Variants in ZNF578 observed in about 807,000 individuals in gnomAD.
ZNF578 encodes the protein Putative chemokine-related protein B42.
A neutral mutation model predicts 8.3 loss-of-function variants in ZNF578; 8 were observed. The ratio of observed to expected loss-of-function variants is 0.96; its 90% CI spans 0.56 to 1.74. The LOEUF is 1.74. Among genes scored for constraint, ZNF578 ranks in the 40% most tolerant of loss-of-function variants. The pLI is 0.00. For missense variants in ZNF578, 726 were observed against 707.5 expected (o/e 1.03, Z -0.30); for synonymous variants, 206 against 232.2 (o/e 0.89, Z 1.03).
At chr19:52,486,154 T>G (rs62119306) in intron 2 of ZNF578, among the ~76,000 whole-genome samples, 1,686 of 152,322 alleles carry the variant, frequency 0.011, 9 homozygotes, top group Non-Finnish European at 0.018. Flanking sequence ...ATACTGCTCT[T>G]TAAGGCATTG....
rs1259890894 is a variant in ZNF578, at chr19:52,511,232, A to G, written c.851A>G (p.Glu284Gly). ...LARHRRCHTS[E>G]KPYKCNECGK... ...CGCCATCGTAGATGTCACACTAGTGAGAAACCTTACAAGTGTAATGAATGT... is the reference window on the plus strand; with the variant it reads ...CGCCATCGTAGATGTCACACTAGTGGGAAACCTTACAAGTGTAATGAATGT... Residue 284 changes from glutamate (E) to glycine (G), a missense_variant, in exon 6 of 6, where the codon GAG (glutamate) becomes GGG (glycine). Physicochemically the swap from Glu to Gly is moderately conservative, Grantham distance 98 (BLOSUM62 -2). Transcript: ENST00000421239. 6.2e-7 allele frequency: 1 copy of G among 1,613,780 alleles called. No individual in the cohort carries two copies. Among genetic ancestry groups the G allele is most frequent in the South Asian group, 1.1e-5 (1 of 90,854 alleles).
In ZNF578 at chr19:52,515,882, A is replaced by G. The variant is rs1370247728; in HGVS notation, c.*3728A>G. On this transcript the variant is annotated 3_prime_UTR_variant, in exon 6 of 6. Transcript: ENST00000421239. ...TCAAGGCCTTTCTCTGTATGAGGAC[A>G]TCACAGCAAAATCTAAAGCAGGTCA... 6.6e-6 allele frequency among the ~76,000 whole-genome samples: 1 copy of G among 152,148 alleles called. No homozygotes were observed. Among genetic ancestry groups the G allele is most frequent in the Admixed American group, 6.5e-5 (1 of 15,278 alleles).
chr19:52,481,698 GA>G (rs200978476), intron 2 of ZNF578, among the ~76,000 whole-genome samples: 4 of 151,878 alleles, frequency 2.6e-5, no homozygotes, highest in Admixed American at 6.6e-5. Flanking sequence ...TGAAGTGGGA[GA>G]AAAAAATCAC....
At chr19:52,471,082 T>G (rs2059290433) in intron 2 of ZNF578, among the ~76,000 whole-genome samples, 1 of 152,188 alleles carries the variant, frequency 6.6e-6, no homozygotes, top group East Asian at 1.9e-4. Context: ...TTACTTCACC[T>G]TCCTTCATGA....
At chr19:52,459,713 A>ATGTGTGTATATGTG (rs1187045005) in intron 2 of ZNF578, among the ~76,000 whole-genome samples, 61 of 18,236 alleles carry the variant, frequency 3.3e-3, no homozygotes, top group East Asian at 0.015. Flanking sequence ...ATATGTAGAT[A>ATGTGTGTATATGTG]TGTGTGTGTG....
intron 2 of ZNF578, among the ~76,000 whole-genome samples, chr19:52,470,471 C>T (rs1219452780): frequency 1.3e-5 from 2 of 152,044 alleles, no homozygotes; most frequent in East Asian, 3.9e-4. Flanking sequence ...TCTTGGTTGT[C>T]AGTTTGATTG....
intron 5 of ZNF578, among the ~76,000 whole-genome samples, chr19:52,508,196 T>A (rs1485749385): frequency 6.6e-6 from 1 of 151,696 alleles, no homozygotes; most frequent in Non-Finnish European, 1.5e-5. Flanking sequence ...AATATAAAAA[T>A]TTTCTGTGCG....
At chr19:52,504,091 G>A (rs2059416934) in intron 4 of ZNF578, among the ~76,000 whole-genome samples, 2 of 149,996 alleles carry the variant, frequency 1.3e-5, no homozygotes, top group Non-Finnish European at 3.0e-5. Context: ...CCACCGCCTG[G>A]CATTGCTTTT....
chr19:52,477,467 G>C (rs1446182844), intron 2 of ZNF578, among the ~76,000 whole-genome samples: 1 of 152,174 alleles, frequency 6.6e-6, no homozygotes, highest in East Asian at 1.9e-4. Context: ...AGTGAGGACA[G>C]AGTCCTGGCA....
intron 2 of ZNF578, among the ~76,000 whole-genome samples, chr19:52,476,620 A>G (rs2059309129): frequency 6.6e-6 from 1 of 152,204 alleles, no homozygotes; most frequent in Admixed American, 6.5e-5. Context: ...TAAGTCTGCT[A>G]TCCCATGCCG....
intron 2 of ZNF578, among the ~76,000 whole-genome samples, chr19:52,482,096 T>C (rs1267691816): frequency 1.3e-5 from 2 of 152,188 alleles, no homozygotes; most frequent in African/African-American, 2.4e-5. Context: ...TGCAATGGTA[T>C]GATCTCAGCT....
rs10425890 is a variant in ZNF578, at chr19:52,512,889, A to C, written c.*735A>C. Among the ~76,000 whole-genome samples, 2,368 of 152,306 alleles carry C rather than the reference A, an allele frequency of 0.016. 58 individuals carry two copies. The highest frequency in any genetic ancestry group is 0.053 in the African/African-American group (2,189 of 41,570). On this transcript the variant is annotated 3_prime_UTR_variant, in exon 6 of 6. Coordinates refer to ENST00000421239, the MANE Select transcript of ZNF578 (RefSeq NM_001099694.2). ...AATTGACATGCAGGTGTTTATGATA[A>C]GAGGATTGGGCCAGGTGCAGTGGAT... is the stretch of plus-strand genomic sequence containing the variant.
chr19:52,511,348 T>A lies in ZNF578; in HGVS notation c.967T>A (p.Ser323Thr). Residue 323 changes from serine (S) to threonine (T), a missense_variant, in exon 6 of 6, where the codon TCC (serine) becomes ACC (threonine). Physicochemically the swap from Ser to Thr is moderately conservative, Grantham distance 58. Coordinates refer to ENST00000421239, the MANE Select transcript of ZNF578 (RefSeq NM_001099694.2). Reference protein sequence around the residue: ...KPYKCNECGKSFSYKSSLTCH... With the variant: ...KPYKCNECGKTFSYKSSLTCH... Reference sequence around the variant, plus strand: ...TTACAAGTGTAATGAATGTGGAAAGTCCTTCAGTTACAAGTCATCCCTTAC... The same window carrying A: ...TTACAAGTGTAATGAATGTGGAAAGACCTTCAGTTACAAGTCATCCCTTAC... The A allele has an allele frequency of 6.2e-7, 1 of 1,613,590 alleles. No homozygotes were observed. Among genetic ancestry groups the A allele is most frequent in the South Asian group, 1.1e-5 (1 of 91,056 alleles).
At chr19:52,494,445 A>T (rs1321286752) in intron 3 of ZNF578, among the ~76,000 whole-genome samples, 1 of 152,202 alleles carries the variant, frequency 6.6e-6, no homozygotes, top group Non-Finnish European at 1.5e-5. Context: ...TGCTGTGAGC[A>T]GAGATCATGC....
chr19:52,501,737 C>A, intron 3 of ZNF578, 90 bp from the exon 4 acceptor site: 2 of 1,367,216 alleles, frequency 1.5e-6, no homozygotes, highest in Non-Finnish European at 1.0e-6. Flanking sequence ...CTTCTTTGTA[C>A]AGGGTGATGT....
chr19:52,507,630 A>G (rs753215451), intron 5 of ZNF578, among the ~76,000 whole-genome samples: 1 of 152,214 alleles, frequency 6.6e-6, no homozygotes, highest in Admixed American at 6.5e-5. Context: ...TCCAAGAGCA[A>G]GATGTCAGCT....
At chr19:52,509,057 A>G (rs1019683243) in intron 5 of ZNF578, among the ~76,000 whole-genome samples, 1 of 151,774 alleles carries the variant, frequency 6.6e-6, no homozygotes, top group Admixed American at 6.6e-5. Context: ...ACCCGCCACC[A>G]CACCCGGCTG....
chr19:52,490,305 T>A (rs1472080827), intron 2 of ZNF578, among the ~76,000 whole-genome samples: 1 of 152,244 alleles, frequency 6.6e-6, no homozygotes, highest in Admixed American at 6.5e-5. Flanking sequence ...CTTTTAATAC[T>A]GTGTATTTAC....
At chr19:52,472,272 A>G (rs1343283716) in intron 2 of ZNF578, among the ~76,000 whole-genome samples, 3 of 152,228 alleles carry the variant, frequency 2.0e-5, no homozygotes, top group South Asian at 4.1e-4. Flanking sequence ...GGTGGGATAA[A>G]ACAGTGTTGG....
Sources: gnomAD v4.1 joint callset for allele counts (sites outside exome capture counted in the v4.1 genomes callset) on GRCh38, gnomAD v4.1.1 for gene constraint, MANE v1.5 for transcripts, NCBI Gene and HGNC (gene_info 2026-07-23, HGNC 2026-07-21) for gene names.